Variants in TSHZ2 observed in about 807,000 individuals in gnomAD.
TSHZ2 encodes teashirt zinc finger homeobox 2, also known as teashirt homolog 2.
A neutral mutation model predicts 74.4 loss-of-function variants in TSHZ2; 21 were observed. The ratio of observed to expected loss-of-function variants is 0.28; its 90% CI spans 0.20 to 0.41. TSHZ2 has a LOEUF of 0.41. Among genes scored for constraint, TSHZ2 ranks in the 10% least tolerant of loss-of-function variants. The pLI is 1.00. For synonymous variants in TSHZ2, 540 were observed against 515.3 expected (o/e 1.05, Z -0.65); for missense variants, 1,244 against 1,293.5 (o/e 0.96, Z 0.59).
intron 2 of TSHZ2, among the ~76,000 whole-genome samples, chr20:53,393,537 G>A (rs777621423): frequency 1.3e-5 from 2 of 152,162 alleles, no homozygotes; most frequent in Non-Finnish European, 2.9e-5. Flanking sequence ...TTGTAACATA[G>A]TAGGTACCAA....
At chr20:53,198,028 A>G (rs1418837798) in intron 1 of TSHZ2, among the ~76,000 whole-genome samples, 3 of 152,210 alleles carry the variant, frequency 2.0e-5, no homozygotes, top group Non-Finnish European at 4.4e-5. Context: ...CCAGACTCCA[A>G]TTCGTTCCCT....
chr20:53,154,102 C>T (rs1336439666), intron 1 of TSHZ2, among the ~76,000 whole-genome samples: 2 of 152,234 alleles, frequency 1.3e-5, no homozygotes, highest in Non-Finnish European at 2.9e-5. Context: ...ACAGACAGAG[C>T]TTCGCAGTCA....
chr20:53,376,728 C>T (rs777516908), intron 2 of TSHZ2, among the ~76,000 whole-genome samples: 1 of 152,216 alleles, frequency 6.6e-6, no homozygotes, highest in Non-Finnish European at 1.5e-5. Flanking sequence ...GTTGTGCACA[C>T]TCATGTGCAT....
At chr20:53,392,498 C>T (rs1982293306) in intron 2 of TSHZ2, among the ~76,000 whole-genome samples, 1 of 152,066 alleles carries the variant, frequency 6.6e-6, no homozygotes, top group Non-Finnish European at 1.5e-5. Context: ...TCATGGTGTA[C>T]TTAAGATGTA....
At chr20:53,301,543 A>G (rs771129320) in intron 2 of TSHZ2, among the ~76,000 whole-genome samples, 7 of 152,240 alleles carry the variant, frequency 4.6e-5, no homozygotes, top group Non-Finnish European at 1.0e-4. Flanking sequence ...GTGTCTGCCC[A>G]TCCCCTAAGC....
intron 2 of TSHZ2, among the ~76,000 whole-genome samples, chr20:53,365,322 T>C (rs896595799): frequency 6.6e-6 from 1 of 152,154 alleles, no homozygotes; most frequent in Non-Finnish European, 1.5e-5. Context: ...TGTGATGGTG[T>C]CTGTAACAGC....
At chr20:53,129,212 C>A (rs1040498685) in intron 1 of TSHZ2, among the ~76,000 whole-genome samples, 1 of 151,980 alleles carries the variant, frequency 6.6e-6, no homozygotes, top group Non-Finnish European at 1.5e-5. Flanking sequence ...GCAATACTTC[C>A]CAAATTTCAG....
At chr20:52,978,170 C>G (rs773900443) in intron 1 of TSHZ2, among the ~76,000 whole-genome samples, 1 of 152,120 alleles carries the variant, frequency 6.6e-6, no homozygotes, top group Non-Finnish European at 1.5e-5. Flanking sequence ...CTGAGTTGAT[C>G]TGTTTCTTTT....
chr20:53,210,785 C>T (rs1044953972), intron 1 of TSHZ2, among the ~76,000 whole-genome samples: 1 of 152,046 alleles, frequency 6.6e-6, no homozygotes, highest in African/African-American at 2.4e-5. Context: ...CTGTCCATAT[C>T]AATAAGACGT....
rs535922291 is a variant in TSHZ2, at chr20:53,255,891, C to A, written c.2433C>A (p.Ala811=). The change falls in exon 2 of 3, where the codon GCC becomes GCA. Residue 811 remains alanine (A), a synonymous_variant. Transcript: ENST00000371497. The surrounding 1 kb of genome is among the most constrained non-coding windows in gnomAD (Gnocchi z 4.1). ...VLPKATTPKP[A]SSSRVPPMKL... is the part of the protein sequence containing the mutation. Reference sequence around the variant, plus strand: ...CCAAAGCCACCACCCCAAAGCCAGCCTCCTCCTCCAGGGTCCCCCCCATGA... The same window carrying A: ...CCAAAGCCACCACCCCAAAGCCAGCATCCTCCTCCAGGGTCCCCCCCATGA... The A allele has an allele frequency of 3.7e-6, 6 of 1,613,868 alleles. No homozygotes were observed. Among genetic ancestry groups the A allele is most frequent in the African/African-American group, 2.7e-5 (2 of 75,042 alleles).
chr20:53,258,866 G>A (rs1187747099), intron 2 of TSHZ2, among the ~76,000 whole-genome samples: 2 of 152,146 alleles, frequency 1.3e-5, no homozygotes, highest in African/African-American at 4.8e-5. Context: ...CAGAAAAACA[G>A]GTTTGAGTGT....
intron 1 of TSHZ2, among the ~76,000 whole-genome samples, chr20:53,110,174 C>G (rs963336311): frequency 6.6e-6 from 1 of 152,152 alleles, no homozygotes; most frequent in African/African-American, 2.4e-5. Context: ...TTACAACCAT[C>G]TTCACTTAAT....
Position 52,993,670 on chromosome 20 carries a change from C to T in TSHZ2, c.40+20337C>T, listed in dbSNP as rs568703710. On this transcript the variant is annotated intron_variant, in intron 1 of 2. Transcript: ENST00000371497. ...GGATTTGGAAAAGTTAATGGGGAGT[C>T]CCCCAAGATAAAACAGTAGCAATGG... Among the ~76,000 whole-genome samples, 6 of 152,152 alleles carry T rather than the reference C, an allele frequency of 3.9e-5. No individual in the cohort carries two copies. The South Asian group carries it at 1.0e-3, about 26-fold the overall frequency.
intron 1 of TSHZ2, among the ~76,000 whole-genome samples, chr20:53,001,222 G>GTGTGTGTGTGTGTGTA (rs1555813597): frequency 2.7e-5 from 4 of 147,380 alleles, no homozygotes; most frequent in African/African-American, 1.0e-4. Flanking sequence ...GTGTGTGTGT[G>GTGTGTGTGTGTGTGTA]TGTGTGTGTG....
At chr20:53,193,351 C>T (rs1050516136) in intron 1 of TSHZ2, among the ~76,000 whole-genome samples, 15 of 152,118 alleles carry the variant, frequency 9.9e-5, no homozygotes, top group East Asian at 1.9e-4. Context: ...GACACATTGC[C>T]GTTCGCAATC....
At chr20:53,063,653 G>A (rs1984887889) in intron 1 of TSHZ2, among the ~76,000 whole-genome samples, 1 of 152,202 alleles carries the variant, frequency 6.6e-6, no homozygotes, top group African/African-American at 2.4e-5. Flanking sequence ...AATAGAAAAT[G>A]TGTGTTTGCT....
intron 1 of TSHZ2, among the ~76,000 whole-genome samples, chr20:52,992,450 A>C (rs1982028804): frequency 6.6e-6 from 1 of 152,156 alleles, no homozygotes; most frequent in Non-Finnish European, 1.5e-5. Flanking sequence ...GTAAGAAAAC[A>C]GTTCTTCAGT....
chr20:53,145,373 C>T (rs1432730258), intron 1 of TSHZ2, among the ~76,000 whole-genome samples: 1 of 152,172 alleles, frequency 6.6e-6, no homozygotes, highest in Non-Finnish European at 1.5e-5. Flanking sequence ...TTTTTCTTTC[C>T]TTATCTGTAC....
chr20:53,014,358 C>T (rs141888220), intron 1 of TSHZ2, among the ~76,000 whole-genome samples: 2 of 152,302 alleles, frequency 1.3e-5, no homozygotes, highest in African/African-American at 4.8e-5. Context: ...TGGGCTTTAA[C>T]ACAGGACTTT....
Sources: gnomAD v4.1 joint callset for allele counts (sites outside exome capture counted in the v4.1 genomes callset) on GRCh38, gnomAD v4.1.1 for gene constraint, Gnocchi (gnomAD v3.1) non-coding constraint, MANE v1.5 for transcripts, NCBI Gene and HGNC (gene_info 2026-07-23, HGNC 2026-07-21) for gene names.